The following ADAMTS19 variants were observed in gnomAD, a reference collection of about 807,000 sequenced individuals.
ADAMTS19 encodes the protein A disintegrin and metalloproteinase with thrombospondin motifs 19.
ADAMTS19 carries 93 observed loss-of-function variants against 153.3 expected under a neutral mutation model. The observed-to-expected ratio is 0.61, with a 90% CI of 0.51 to 0.72. ADAMTS19 has a LOEUF of 0.72. ADAMTS19 is among the 30% of genes least tolerant of loss of function. The pLI is 0.00. For synonymous variants in ADAMTS19, 600 were observed against 556.6 expected, an observed-to-expected ratio of 1.08 and a Z score of -1.10; for missense variants, 1,482 against 1,552.1, an observed-to-expected ratio of 0.95 and a Z score of 0.76.
chr5:129,667,239 T>A (rs1754093829), intron 16 of ADAMTS19, among the ~76,000 whole-genome samples: 1 of 152,196 alleles, frequency 6.6e-6, no homozygotes, highest in Admixed American at 6.6e-5. Flanking sequence ...AGCCTCTTTG[T>A]TTCCAAATAT....
At chr5:129,651,471 T>C (rs1054229190) in intron 13 of ADAMTS19, among the ~76,000 whole-genome samples, 1 of 152,204 alleles carries the variant, frequency 6.6e-6, no homozygotes, top group African/African-American at 2.4e-5. Context: ...TCCATCATTC[T>C]CTTTTATAGA....
intron 2 of ADAMTS19, among the ~76,000 whole-genome samples, chr5:129,494,888 A>T (rs753002554): frequency 6.6e-5 from 10 of 152,260 alleles, no homozygotes; most frequent in Non-Finnish European, 1.5e-4. Context: ...AAATAAGTCC[A>T]GTCATTTTCA....
Position 129,551,912 on chromosome 5 carries a change from G to A in ADAMTS19, c.1372+5G>A. 1.9e-6 allele frequency: 3 copies of A among 1,561,246 alleles called. No individual in the cohort carries two copies. The highest frequency in any genetic ancestry group is 1.2e-5 in the South Asian group (1 of 80,968). ...ATGAACCATGTGATACTGTTGGTAA[G>A]TGTGAAAATTCTCACACTTTTGGAG... On this transcript the variant is annotated splice_donor_5th_base_variant and intron_variant, in intron 7 of 22. Transcript: ENST00000274487.
chr5:129,666,185 A>G (rs1035620160), intron 16 of ADAMTS19, among the ~76,000 whole-genome samples: 1 of 151,934 alleles, frequency 6.6e-6, no homozygotes, highest in African/African-American at 2.4e-5. Flanking sequence ...TTAATAGTTT[A>G]ATTAGGTCAA....
intron 8 of ADAMTS19, among the ~76,000 whole-genome samples, chr5:129,599,023 A>G (rs541493411): frequency 3.3e-4 from 50 of 152,232 alleles, no homozygotes; most frequent in African/African-American, 9.4e-4. Flanking sequence ...GTCCTTTCAG[A>G]TGCTCCCATA....
At chr5:129,465,558 A>G (rs936142043) in intron 2 of ADAMTS19, among the ~76,000 whole-genome samples, 72 of 152,090 alleles carry the variant, frequency 4.7e-4, no homozygotes, top group African/African-American at 1.5e-3. Flanking sequence ...AAATTCAATT[A>G]TTTTTTATCT....
At chr5:129,682,737 A>G (rs183043184) in intron 17 of ADAMTS19, among the ~76,000 whole-genome samples, 3 of 152,308 alleles carry the variant, frequency 2.0e-5, no homozygotes, top group East Asian at 1.9e-4. Context: ...AATAAGTACT[A>G]TGATAGAATT....
intron 20 of ADAMTS19, among the ~76,000 whole-genome samples, chr5:129,701,922 T>C (rs1053531208): frequency 6.6e-6 from 1 of 152,172 alleles, no homozygotes; most frequent in African/African-American, 2.4e-5. Context: ...TCCCTGAACA[T>C]TTAAAATGGA....
At chr5:129,709,875 C>T (rs1294169167) in intron 21 of ADAMTS19, among the ~76,000 whole-genome samples, 1 of 152,028 alleles carries the variant, frequency 6.6e-6, no homozygotes, top group Non-Finnish European at 1.5e-5. Flanking sequence ...ATATTGGATT[C>T]TTAAGGTGTG....
intron 10 of ADAMTS19, among the ~76,000 whole-genome samples, chr5:129,633,457 G>T (rs1195079302): frequency 6.6e-6 from 1 of 152,054 alleles, no homozygotes; most frequent in African/African-American, 2.4e-5. Flanking sequence ...TTATATTATA[G>T]AGCAAACATG....
chr5:129,527,918 G>A, intron 5 of ADAMTS19, 87 bp downstream of exon 5: 1 of 839,478 alleles, frequency 1.2e-6, no homozygotes, highest in South Asian at 1.8e-5. Context: ...TTAAGGATGT[G>A]CTTAAAAATC....
chr5:129,466,953 G>A (rs7702139), intron 2 of ADAMTS19, among the ~76,000 whole-genome samples: 3,329 of 152,066 alleles, frequency 0.022, 137 homozygotes, highest in African/African-American at 0.075. Flanking sequence ...TTTAAAAATT[G>A]TTATTCTTTA....
intron 18 of ADAMTS19, chr5:129,688,118 G>A (rs2127136220): frequency 6.6e-6 from 1 of 152,266 alleles, no homozygotes; most frequent in South Asian, 2.1e-4. Flanking sequence ...TGGATGGACA[G>A]AATTTCAAGG....
At chr5:129,565,082 G>C (rs1753659598) in intron 7 of ADAMTS19, among the ~76,000 whole-genome samples, 1 of 152,104 alleles carries the variant, frequency 6.6e-6, no homozygotes, top group African/African-American at 2.4e-5. Flanking sequence ...ACACTAATCA[G>C]AATTTTTAAT....
chr5:129,549,081 A>G (rs1406704574), intron 6 of ADAMTS19, among the ~76,000 whole-genome samples: 2 of 149,590 alleles, frequency 1.3e-5, no homozygotes, highest in Admixed American at 6.6e-5. Context: ...ATGCTAAATG[A>G]CGAGTTAATG....
At chr5:129,610,313 AAGT>A (rs1751140580) in intron 8 of ADAMTS19, among the ~76,000 whole-genome samples, 1 of 152,050 alleles carries the variant, frequency 6.6e-6, no homozygotes, top group Non-Finnish European at 1.5e-5. Context: ...ATCATACTTT[AAGT>A]TCTAGGGTAC....
intron 7 of ADAMTS19, 135 bp downstream of exon 7, chr5:129,552,042 A>T (rs1443092223): frequency 1.1e-5 from 6 of 551,438 alleles, no homozygotes; most frequent in Non-Finnish European, 1.5e-5. Flanking sequence ...TTTTCTACCT[A>T]TATGTTTAAT....
At chr5:129,485,935 C>T (rs934949444) in intron 2 of ADAMTS19, among the ~76,000 whole-genome samples, 2 of 151,956 alleles carry the variant, frequency 1.3e-5, no homozygotes, top group South Asian at 4.2e-4. Flanking sequence ...GGATTACAGA[C>T]GCCCACCACC....
chr5:129,717,392 G>A (rs1426194116), intron 21 of ADAMTS19, among the ~76,000 whole-genome samples: 1 of 151,998 alleles, frequency 6.6e-6, no homozygotes, highest in East Asian at 1.9e-4. Flanking sequence ...TAACAACTAA[G>A]ATTTCATATA....
Sources: allele counts gnomAD v4.1 joint callset (sites outside exome capture counted in the v4.1 genomes callset), GRCh38; gene constraint gnomAD v4.1.1; transcripts MANE v1.5; gene names NCBI Gene and HGNC (gene_info 2026-07-23, HGNC 2026-07-21).